Variants in GLDC observed in about 807,000 individuals in gnomAD.
The protein encoded by GLDC is glycine decarboxylase, also known as glycine dehydrogenase (decarboxylating), mitochondrial.
A neutral mutation model predicts 121.3 loss-of-function variants in GLDC; 104 were observed. That is an observed-to-expected ratio of 0.86 (90% CI 0.73 to 1.01). The LOEUF (loss-of-function observed/expected upper bound fraction) is 1.01, where lower values mean the gene tolerates loss of function less well. Among genes scored for constraint, GLDC ranks in the 50% least tolerant of loss-of-function variants. The probability of loss-of-function intolerance (pLI) is 0.00; values close to 1 mark genes in which losing one functional copy is unlikely to be tolerated. For synonymous variants in GLDC, 546 were observed against 480.6 expected (o/e 1.14, Z -1.78); for missense variants, 1,429 against 1,306.6 (o/e 1.09, Z -1.44).
intron 2 of GLDC, among the ~76,000 whole-genome samples, chr9:6,635,629 T>C (rs1476508753): frequency 2.0e-5 from 3 of 152,116 alleles, no homozygotes; most frequent in African/African-American, 7.2e-5. Context: ...CCCCAGCATG[T>C]TGGCAGACCA....
chr9:6,536,972 A>T (rs928847336), intron 22 of GLDC, among the ~76,000 whole-genome samples: 1 of 151,956 alleles, frequency 6.6e-6, no homozygotes, highest in Non-Finnish European at 1.5e-5. Context: ...CAAGAGACAG[A>T]TTTCCAGGAC....
chr9:6,644,365 C>G (rs988876968), intron 2 of GLDC, among the ~76,000 whole-genome samples: 3 of 152,064 alleles, frequency 2.0e-5, no homozygotes, highest in Non-Finnish European at 2.9e-5. Flanking sequence ...GCAGGGGAAG[C>G]TCGCGGGGGC....
intron 3 of GLDC, among the ~76,000 whole-genome samples, chr9:6,617,317 C>G (rs1226749869): frequency 1.3e-5 from 2 of 152,164 alleles, no homozygotes; most frequent in African/African-American, 4.8e-5. Context: ...ATCTCCTTCT[C>G]AAAACACTGG....
At chr9:6,581,236 G>A (rs1818165310) in intron 15 of GLDC, among the ~76,000 whole-genome samples, 1 of 152,160 alleles carries the variant, frequency 6.6e-6, no homozygotes, top group East Asian at 1.9e-4. Flanking sequence ...GCTCTTCACT[G>A]GGACAAATCG....
At chr9:6,621,357 G>C (rs1370449508) in intron 2 of GLDC, among the ~76,000 whole-genome samples, 1 of 152,160 alleles carries the variant, frequency 6.6e-6, no homozygotes, top group Non-Finnish European at 1.5e-5. Context: ...ACCAGGAATT[G>C]TACCATATGC....
At chr9:6,612,581 C>G (rs1169238776) in intron 3 of GLDC, among the ~76,000 whole-genome samples, 1 of 151,744 alleles carries the variant, frequency 6.6e-6, no homozygotes, top group Non-Finnish European at 1.5e-5. Flanking sequence ...AAAAATCAGG[C>G]CAGGCGCAGT....
intron 15 of GLDC, among the ~76,000 whole-genome samples, chr9:6,582,243 G>C (rs1587942411): frequency 6.8e-6 from 1 of 147,046 alleles, no homozygotes; most frequent in African/African-American, 2.5e-5. Flanking sequence ...AAAAAGCCGG[G>C]CATGGTGTCT....
At chr9:6,613,843 C>A (rs1457096187) in intron 3 of GLDC, among the ~76,000 whole-genome samples, 3 of 152,098 alleles carry the variant, frequency 2.0e-5, no homozygotes, top group African/African-American at 7.2e-5. Context: ...GTGGCACGAT[C>A]TCGGCCCAGT....
At chr9:6,586,967 GCT>G (rs1382241585) in intron 15 of GLDC, among the ~76,000 whole-genome samples, 172 bp downstream of exon 15, 1 of 152,190 alleles carries the variant, frequency 6.6e-6, no homozygotes, top group Non-Finnish European at 1.5e-5. Flanking sequence ...CTCCTCACCA[GCT>G]ATGTGAGGGA....
chr9:6,617,167 C>A (rs1207064533), intron 3 of GLDC, among the ~76,000 whole-genome samples: 1 of 152,102 alleles, frequency 6.6e-6, no homozygotes, highest in Admixed American at 6.6e-5. Flanking sequence ...TGAAATCTAC[C>A]ACCCACATGT....
intron 2 of GLDC, among the ~76,000 whole-genome samples, chr9:6,633,046 T>C (rs936927641): frequency 2.0e-5 from 3 of 152,118 alleles, no homozygotes; most frequent in Admixed American, 6.5e-5. Flanking sequence ...AAATTCACTT[T>C]TCCCTAGTAC....
chr9:6,645,164 G>A (rs1425227839), intron 1 of GLDC, 81 bp downstream of exon 1: 27 of 1,376,352 alleles, frequency 2.0e-5, no homozygotes. Flanking sequence ...GCAGAGCTCA[G>A]GGTAGGAGCC....
chr9:6,541,516 G>C (rs1318003111), intron 21 of GLDC: 2 of 152,076 alleles, frequency 1.3e-5, no homozygotes, highest in African/African-American at 4.8e-5. Flanking sequence ...GCTTCTTATA[G>C]AATGAATAAA....
intron 18 of GLDC, among the ~76,000 whole-genome samples, chr9:6,555,901 T>C (rs1436236247): frequency 1.3e-5 from 2 of 152,082 alleles, no homozygotes; most frequent in Non-Finnish European, 2.9e-5. Context: ...TCTTCAGAGG[T>C]TCACAGTACA....
chr9:6,568,646 G>C (rs983922756), intron 15 of GLDC, among the ~76,000 whole-genome samples: 5 of 151,996 alleles, frequency 3.3e-5, no homozygotes, highest in Non-Finnish European at 7.4e-5. Context: ...TCAGGAGTTC[G>C]AGACCAGCCT....
At chr9:6,584,531 G>A (rs1818229508) in intron 15 of GLDC, among the ~76,000 whole-genome samples, 1 of 151,858 alleles carries the variant, frequency 6.6e-6, no homozygotes. Flanking sequence ...AGCCAAAATA[G>A]GATTGAAACA....
At chr9:6,611,309 T>C (rs1818845949) in intron 3 of GLDC, among the ~76,000 whole-genome samples, 1 of 152,158 alleles carries the variant, frequency 6.6e-6, no homozygotes, top group Admixed American at 6.6e-5. Flanking sequence ...CCTCACCTAT[T>C]TTACTTGGGA....
chr9:6,645,524 C>G lies in GLDC; in HGVS notation c.-25G>C. The G allele has an allele frequency of 7.6e-7, 1 of 1,311,342 alleles. No homozygotes were observed. Among genetic ancestry groups the G allele is most frequent in the Non-Finnish European group, 9.8e-7 (1 of 1,022,716 alleles). 81.2% of individuals were successfully genotyped at this position (1,311,342 alleles called of 1,614,324 possible). A position where few individuals can be genotyped will look rare whatever the true frequency, so the allele number is the denominator to read the frequency against. On this transcript the variant is annotated 5_prime_UTR_variant, in exon 1 of 25. Coordinates refer to ENST00000321612, the MANE Select transcript of GLDC (RefSeq NM_000170.3). ...TGGCCGCGGCCACCGTCCCCTGCCC[C>G]GGCCCGCAAGGGTCAGCCGCGCTCT... is the stretch of plus-strand genomic sequence containing the variant.
intron 7 of GLDC, among the ~76,000 whole-genome samples, 172 bp from the exon 8 acceptor site, chr9:6,602,377 A>ATTTTTT (rs879833847): frequency 7.0e-6 from 1 of 142,376 alleles, no homozygotes; most frequent in Non-Finnish European, 1.5e-5. Context: ...ATGATTACTG[A>ATTTTTT]TTTTTTTTTT....
Sources: allele counts gnomAD v4.1 joint callset (sites outside exome capture counted in the v4.1 genomes callset), GRCh38; gene constraint gnomAD v4.1.1; transcripts MANE v1.5; gene names NCBI Gene and HGNC (gene_info 2026-07-23, HGNC 2026-07-21).